Variants in AUTS2 observed in about 807,000 individuals in gnomAD.
AUTS2 encodes activator of transcription and developmental regulator AUTS2.
In AUTS2, 17 loss-of-function variants were observed where a neutral mutation model predicts 112.4. The ratio of observed to expected loss-of-function variants is 0.15; its 90% CI spans 0.10 to 0.23. The LOEUF (loss-of-function observed/expected upper bound fraction) is 0.23, where lower values mean the gene tolerates loss of function less well. AUTS2 is among the 10% of genes least tolerant of loss of function. The probability of loss-of-function intolerance (pLI) is 1.00; values close to 1 mark genes in which losing one functional copy is unlikely to be tolerated. For synonymous variants in AUTS2, 751 were observed against 702.7 expected, an observed-to-expected ratio of 1.07 and a Z score of -1.09; for missense variants, 1,510 against 1,701.6, an observed-to-expected ratio of 0.89 and a Z score of 1.98.
intron 4 of AUTS2, among the ~76,000 whole-genome samples, chr7:70,360,646 A>G (rs1210665259): frequency 1.3e-5 from 2 of 152,144 alleles, no homozygotes; most frequent in Non-Finnish European, 2.9e-5. Context: ...CTTAAATCTT[A>G]TAAATGACTT....
chr7:69,973,648 T>C (rs189119727), intron 2 of AUTS2, among the ~76,000 whole-genome samples: 61 of 152,256 alleles, frequency 4.0e-4, no homozygotes, highest in African/African-American at 1.4e-3. Flanking sequence ...CATGAATGGA[T>C]GTAGAATTTT....
chr7:70,774,152 C>T lies in AUTS2; in HGVS notation c.1902+53C>T. Reference sequence around the variant, plus strand: ...GGTAACACCAGGGTGTGTGTGTTTGCACGGGACGGCCAGCCCAGTGCTCGC... The same window carrying T: ...GGTAACACCAGGGTGTGTGTGTTTGTACGGGACGGCCAGCCCAGTGCTCGC... On this transcript the variant is annotated intron_variant, in intron 12 of 18. Transcript: ENST00000342771. 6 of 1,549,268 alleles carry T rather than the reference C, an allele frequency of 3.9e-6. No homozygotes were observed. The Middle Eastern group carries it at 7.0e-4, about 182-fold the overall frequency.
chr7:69,906,176 A>G (rs1795142420), intron 2 of AUTS2, among the ~76,000 whole-genome samples: 1 of 152,250 alleles, frequency 6.6e-6, no homozygotes, highest in African/African-American at 2.4e-5. Context: ...TGATGAGGGT[A>G]GGACAGAACT....
intron 1 of AUTS2, among the ~76,000 whole-genome samples, chr7:69,717,625 G>A (rs1050647467): frequency 6.6e-6 from 1 of 152,148 alleles, no homozygotes; most frequent in Admixed American, 6.5e-5. Flanking sequence ...CTGCTTCAGG[G>A]TTTCTATTGT....
At chr7:69,614,361 T>TTTCTTTCTTTCTTTCC (rs1375097296) in intron 1 of AUTS2, among the ~76,000 whole-genome samples, 1 of 84,256 alleles carries the variant, frequency 1.2e-5, no homozygotes, top group Non-Finnish European at 2.7e-5. Context: ...TCTTTCTTTC[T>TTTCTTTCTTTCTTTCC]TTCTTTTTTT....
intron 1 of AUTS2, among the ~76,000 whole-genome samples, chr7:69,606,369 C>T (rs537639473): frequency 5.3e-4 from 80 of 152,208 alleles, no homozygotes; most frequent in African/African-American, 1.8e-3. Flanking sequence ...CTAAGAGCTA[C>T]GAGATTTGGA....
chr7:69,610,275 G>T (rs1792959409), intron 1 of AUTS2, among the ~76,000 whole-genome samples: 1 of 152,240 alleles, frequency 6.6e-6, no homozygotes, highest in Non-Finnish European at 1.5e-5. Flanking sequence ...TAATGGAGTT[G>T]TTAAACCAGG....
rs1165700770 is a variant in AUTS2 at position 70,122,445 on chromosome 7, T to C, written c.624+4212T>C. ...TTTTACCAGCCTTGTCTACTAATTG[T>C]GTCACCTGTGCCATTTCTGGTCCTG... On this transcript the variant is annotated intron_variant, in intron 3 of 18. Transcript: ENST00000342771. Among the ~76,000 whole-genome samples the C allele has an allele frequency of 3.9e-5, 6 of 152,216 alleles. No individual in the cohort carries two copies. The East Asian group carries it at 1.2e-3, about 29-fold the overall frequency.
At chr7:70,325,733 C>A (rs1210028253) in intron 4 of AUTS2, among the ~76,000 whole-genome samples, 1 of 152,196 alleles carries the variant, frequency 6.6e-6, no homozygotes, top group Non-Finnish European at 1.5e-5. Context: ...GAATTGCTAT[C>A]TGACCTTGCA....
chr7:70,212,455 C>T (rs540961351), intron 4 of AUTS2, among the ~76,000 whole-genome samples: 1 of 152,306 alleles, frequency 6.6e-6, no homozygotes, highest in East Asian at 1.9e-4. Context: ...CATACTTCTA[C>T]GTTACCTAGC....
At chr7:69,893,037 T>C (rs963646073) in intron 1 of AUTS2, among the ~76,000 whole-genome samples, 2 of 152,210 alleles carry the variant, frequency 1.3e-5, no homozygotes, top group African/African-American at 2.4e-5. Context: ...CCTACTTTAC[T>C]ATAATAGTTC....
intron 4 of AUTS2, among the ~76,000 whole-genome samples, chr7:70,165,456 C>T (rs1355100757): frequency 6.6e-6 from 1 of 152,150 alleles, no homozygotes; most frequent in African/African-American, 2.4e-5. Flanking sequence ...AAGCTCAGTA[C>T]ATTTTATGTC....
At chr7:69,636,788 C>T (rs973339505) in intron 1 of AUTS2, among the ~76,000 whole-genome samples, 8 of 151,462 alleles carry the variant, frequency 5.3e-5, no homozygotes, top group South Asian at 2.1e-4. Context: ...TTTTTTGAGA[C>T]GGAGTCTCGT....
At chr7:70,440,984 A>T (rs550093220) in intron 5 of AUTS2, among the ~76,000 whole-genome samples, 1 of 152,204 alleles carries the variant, frequency 6.6e-6, no homozygotes, top group African/African-American at 2.4e-5. Flanking sequence ...AAAGGGAAAC[A>T]TGATTTTTCC....
At chr7:70,247,528 T>C (rs553254586) in intron 4 of AUTS2, among the ~76,000 whole-genome samples, 13 of 152,234 alleles carry the variant, frequency 8.5e-5, no homozygotes, top group Non-Finnish European at 1.5e-4. Flanking sequence ...CATTTTAATG[T>C]ATATTTTACC....
chr7:70,716,612 G>A (rs897009614), intron 6 of AUTS2, among the ~76,000 whole-genome samples: 2 of 134,160 alleles, frequency 1.5e-5, no homozygotes, highest in African/African-American at 5.5e-5. Flanking sequence ...ACTCCAACCT[G>A]GGTGACAGAG....
At chr7:69,873,374 A>G (rs887061781) in intron 1 of AUTS2, among the ~76,000 whole-genome samples, 2 of 149,098 alleles carry the variant, frequency 1.3e-5, no homozygotes, top group African/African-American at 5.0e-5. Flanking sequence ...TTGAATAAAC[A>G]CCTGTAGAGA....
intron 2 of AUTS2, among the ~76,000 whole-genome samples, chr7:69,938,314 A>G (rs557116858): frequency 6.6e-6 from 1 of 152,272 alleles, no homozygotes; most frequent in African/African-American, 2.4e-5. Flanking sequence ...GCTCTTCTAT[A>G]AAACTCCACA....
intron 1 of AUTS2, 92 bp downstream of exon 1, chr7:69,600,054 C>T (rs1370169162): frequency 7.2e-6 from 6 of 834,928 alleles, no homozygotes; most frequent in East Asian, 3.5e-5. Flanking sequence ...GCGCTCCGGG[C>T]TGTCTGTCTG....
Sources: gnomAD v4.1 joint callset for allele counts (sites outside exome capture counted in the v4.1 genomes callset) on GRCh38, gnomAD v4.1.1 for gene constraint, MANE v1.5 for transcripts, NCBI Gene and HGNC (gene_info 2026-07-23, HGNC 2026-07-21) for gene names.